Variants in DNAH11 observed in about 807,000 individuals in gnomAD.
DNAH11 encodes axonemal beta dynein heavy chain 11.
Under a neutral mutation model 526.0 loss-of-function variants are expected in DNAH11, and 442 were observed. That is an observed-to-expected ratio of 0.84 (90% confidence interval 0.78 to 0.91). The LOEUF is 0.91. Among genes scored for constraint, DNAH11 ranks in the 40% least tolerant of loss-of-function variants. The pLI is 0.00. For missense variants in DNAH11, 6,989 were observed against 5,448.7 expected (o/e 1.28, Z -8.90); for synonymous variants, 2,461 against 1,935.9 (o/e 1.27, Z -7.12).
At chr7:21,763,315 C>T (rs1352532171) in intron 54 of DNAH11, among the ~76,000 whole-genome samples, 1 of 125,138 alleles carries the variant, frequency 8.0e-6, no homozygotes, top group Non-Finnish European at 1.6e-5. Flanking sequence ...GCACTCCAGC[C>T]TGGGCAACAG....
intron 2 of DNAH11, among the ~76,000 whole-genome samples, chr7:21,553,626 C>T (rs1783105674): frequency 6.6e-6 from 1 of 152,172 alleles, no homozygotes. Context: ...CCATTTAGGG[C>T]ATTCTTTTTT....
chr7:21,796,893 ATT>A (rs965567571), intron 61 of DNAH11, among the ~76,000 whole-genome samples: 1 of 152,024 alleles, frequency 6.6e-6, no homozygotes, highest in African/African-American at 2.4e-5. Context: ...GTTAGTTGTT[ATT>A]TTTTTATTTT....
At position 21,691,184 on chromosome 7, in the gene DNAH11, T is replaced by C. The variant is rs1783606532; in HGVS notation, c.6041+303T>C. 1.4e-5 allele frequency among the ~76,000 whole-genome samples: 2 copies of C among 138,010 alleles called. 1 individual carries two copies. Among genetic ancestry groups the C allele is most frequent in the Admixed American group, 1.5e-4 (2 of 13,466 alleles). 90.5% of individuals were successfully genotyped at this position (138,010 alleles called of 152,430 possible). On this transcript the variant is annotated intron_variant, in intron 35 of 81. Coordinates refer to ENST00000409508, the MANE Select transcript of DNAH11 (RefSeq NM_001277115.2). Reference sequence around the variant, plus strand: ...CTTTCATAATTTTTTTTTTCTTTTTTTTTTTTTAACAGTCAAAGTGCATTT... The same window carrying C: ...CTTTCATAATTTTTTTTTTCTTTTTCTTTTTTTAACAGTCAAAGTGCATTT...
chr7:21,777,149 T>C (rs997769472), intron 56 of DNAH11, among the ~76,000 whole-genome samples: 6 of 152,188 alleles, frequency 3.9e-5, no homozygotes, highest in Non-Finnish European at 7.4e-5. Context: ...TCCATTTCTA[T>C]AGTTTTGTCA....
chr7:21,558,759 G>A (rs953388113), intron 2 of DNAH11, 43 bp from the exon 3 acceptor site: 41 of 1,432,248 alleles, frequency 2.9e-5, no homozygotes, highest in Non-Finnish European at 3.8e-5. Flanking sequence ...TTGAAGGAAT[G>A]CATTGTCTGT....
intron 73 of DNAH11, among the ~76,000 whole-genome samples, chr7:21,871,985 G>A (rs1042820080): frequency 3.3e-4 from 50 of 151,592 alleles, no homozygotes; most frequent in Non-Finnish European, 6.6e-4. Context: ...TTAGCTGGGC[G>A]TGGTGGTGGG....
intron 40 of DNAH11, 113 bp downstream of exon 40, chr7:21,707,948 T>G: frequency 9.1e-7 from 1 of 1,097,764 alleles, no homozygotes; most frequent in Non-Finnish European, 1.3e-6. Flanking sequence ...GTGTTGGCAT[T>G]ATTGGAAATA....
chr7:21,895,460 A>G (rs1784477014), intron 79 of DNAH11, among the ~76,000 whole-genome samples: 2 of 152,210 alleles, frequency 1.3e-5, no homozygotes. Context: ...GCAGTAAACT[A>G]GACTGGGGGT....
At chr7:21,665,290 C>T (rs946489397) in intron 30 of DNAH11, among the ~76,000 whole-genome samples, 4 of 152,166 alleles carry the variant, frequency 2.6e-5, no homozygotes, top group Non-Finnish European at 5.9e-5. Flanking sequence ...GCAAGACCAC[C>T]TATTATTATG....
chr7:21,800,213 T>G (rs1334802826), intron 61 of DNAH11, among the ~76,000 whole-genome samples: 1 of 152,166 alleles, frequency 6.6e-6, no homozygotes, highest in Non-Finnish European at 1.5e-5. Context: ...TTTCTCTGGT[T>G]TTTTCTGTGC....
chr7:21,669,976 C>G (rs1782580461), intron 30 of DNAH11, among the ~76,000 whole-genome samples: 1 of 152,150 alleles, frequency 6.6e-6, no homozygotes, highest in South Asian at 2.1e-4. Flanking sequence ...TACCTTCCAA[C>G]TTTGTTCATT....
chr7:21,760,557 A>C (rs1221307092), intron 54 of DNAH11, among the ~76,000 whole-genome samples: 2 of 152,226 alleles, frequency 1.3e-5, no homozygotes, highest in African/African-American at 4.8e-5. Flanking sequence ...AGATACCTTG[A>C]TACTTAGATT....
At chr7:21,838,358 C>CA (rs1382101415) in intron 65 of DNAH11, among the ~76,000 whole-genome samples, 1 of 152,158 alleles carries the variant, frequency 6.6e-6, no homozygotes, top group Non-Finnish European at 1.5e-5. Context: ...ATAATTGTTC[C>CA]CTTTTTTTGG....
intron 65 of DNAH11, among the ~76,000 whole-genome samples, chr7:21,831,981 T>G (rs866482131): frequency 6.6e-6 from 1 of 151,930 alleles, no homozygotes; most frequent in Admixed American, 6.6e-5. Context: ...TCCCAGCTAC[T>G]CGGGAGGCTG....
At position 21,657,914 on chromosome 7, in the gene DNAH11, C is replaced by G. The variant is rs144702626; in HGVS notation, c.5095-884C>G. On this transcript the variant is annotated intron_variant, in intron 29 of 81. Transcript: ENST00000409508. ...CAGAGGTTCTAGGAATGCTGCTGCT[C>G]TCTTCACAGGGGTGGAGGAAGAAGT... 5.3e-4 allele frequency among the ~76,000 whole-genome samples: 80 copies of G among 152,274 alleles called. No homozygotes were observed. In the Middle Eastern group the frequency reaches 0.01, roughly 19 times the overall value.
intron 45 of DNAH11, among the ~76,000 whole-genome samples, chr7:21,734,070 C>T (rs1785502976): frequency 6.6e-6 from 1 of 152,116 alleles, no homozygotes; most frequent in Non-Finnish European, 1.5e-5. Context: ...CTCCAGAGTC[C>T]GTGCTCTGAA....
chr7:21,743,939 A>G (rs1026028207), intron 49 of DNAH11, among the ~76,000 whole-genome samples: 1 of 152,208 alleles, frequency 6.6e-6, no homozygotes, highest in African/African-American at 2.4e-5. Flanking sequence ...AGATACTGAA[A>G]GCACCATGAG....
chr7:21,570,587 G>C (rs1783847629), intron 7 of DNAH11: 2 of 231,234 alleles, frequency 8.6e-6, no homozygotes, highest in African/African-American at 4.5e-5. Flanking sequence ...CTGAGAGAGA[G>C]TTGTAAGTCA....
chr7:21,682,646 A>C (rs1475514782), intron 31 of DNAH11, among the ~76,000 whole-genome samples: 1 of 152,030 alleles, frequency 6.6e-6, no homozygotes, highest in Non-Finnish European at 1.5e-5. Context: ...AAAAGTCAGG[A>C]GTATGCTTGT....
Sources: allele counts gnomAD v4.1 joint callset (sites outside exome capture counted in the v4.1 genomes callset), GRCh38; gene constraint gnomAD v4.1.1; transcripts MANE v1.5; gene names NCBI Gene and HGNC (gene_info 2026-07-23, HGNC 2026-07-21).